The following RIPOR3 variants were observed in gnomAD, a reference collection of about 807,000 sequenced individuals.
The protein encoded by RIPOR3 is family with sequence similarity 65 member C.
RIPOR3 carries 95 observed loss-of-function variants against 114.3 expected under a neutral mutation model. The ratio of observed to expected loss-of-function variants is 0.83; its 90% CI spans 0.70 to 0.99. RIPOR3 has a LOEUF of 0.99. RIPOR3 is among the 50% of genes least tolerant of loss of function. RIPOR3 has a pLI of 0.00. For synonymous variants in RIPOR3, 575 were observed against 543.8 expected (o/e 1.06, Z -0.80); for missense variants, 1,252 against 1,266.9 (o/e 0.99, Z 0.18).
chr20:50,613,879 G>A (rs1481662414), intron 4 of RIPOR3, among the ~76,000 whole-genome samples: 1 of 152,112 alleles, frequency 6.6e-6, no homozygotes, highest in Non-Finnish European at 1.5e-5. Context: ...CTAAGGGTGA[G>A]GCATGCTGAG....
At chr20:50,600,532 G>A (rs959568604) in intron 13 of RIPOR3, among the ~76,000 whole-genome samples, 1 of 152,194 alleles carries the variant, frequency 6.6e-6, no homozygotes, top group Non-Finnish European at 1.5e-5. Context: ...GCTGAGGCAC[G>A]AGGATTGCAT....
At chr20:50,607,595 C>G (rs1024139932) in intron 11 of RIPOR3, among the ~76,000 whole-genome samples, 1 of 152,170 alleles carries the variant, frequency 6.6e-6, no homozygotes, top group African/African-American at 2.4e-5. Flanking sequence ...TGGCACTGAG[C>G]TGCCCGCCAC....
At chr20:50,647,194 C>T (rs931574830) in intron 1 of RIPOR3, among the ~76,000 whole-genome samples, 1 of 152,124 alleles carries the variant, frequency 6.6e-6, no homozygotes, top group African/African-American at 2.4e-5. Context: ...GTGGCGGACG[C>T]CTGTAATCCC....
In RIPOR3 at chr20:50,630,746, C is replaced by A. The variant is rs1482109087; in HGVS notation, c.114G>T (p.Arg38=). 1.2e-6 allele frequency: 2 copies of A among 1,609,364 alleles called. No homozygotes were observed. The highest frequency in any genetic ancestry group is 2.2e-5 in the South Asian group (2 of 90,306). Residue 38 remains arginine, a synonymous_variant, in exon 2 of 22, where the codon CGG becomes CGT. Coordinates refer to ENST00000327979, the MANE Select transcript of RIPOR3 (RefSeq NM_001290268.2). ...SFAGFSSAQS[R]RIAKSINRNS... is the part of the protein sequence containing the mutation. ...ACACGGGGGGAACTTACGCGATCCT[C>A]CGGCTCTGTGCACTGCTGAAGCCTG... is the stretch of plus-strand genomic sequence containing the variant.
intron 13 of RIPOR3, among the ~76,000 whole-genome samples, chr20:50,601,683 G>T (rs370814124): frequency 3.4e-4 from 52 of 152,254 alleles, no homozygotes; most frequent in Admixed American, 1.2e-3. Flanking sequence ...GGTTCAGTGC[G>T]GGGTGCGTGG....
At chr20:50,636,370 C>T (rs1438670419) in intron 1 of RIPOR3, among the ~76,000 whole-genome samples, 1 of 152,184 alleles carries the variant, frequency 6.6e-6, no homozygotes, top group Non-Finnish European at 1.5e-5. Context: ...TGTGTCACCA[C>T]CCCTGCTGGG....
intron 1 of RIPOR3, among the ~76,000 whole-genome samples, chr20:50,670,814 T>A (rs1433482890): frequency 6.6e-6 from 1 of 152,214 alleles, no homozygotes; most frequent in Non-Finnish European, 1.5e-5. Context: ...GGACAGGTTT[T>A]AAGTCAGATC....
intron 4 of RIPOR3, 22 bp from the exon 5 acceptor site, chr20:50,611,226 C>A: frequency 6.2e-7 from 1 of 1,614,046 alleles, no homozygotes; most frequent in Non-Finnish European, 8.5e-7. Flanking sequence ...GAAAGGAGGG[C>A]GGAAGAAGCT....
At chr20:50,599,211 G>A (rs1300732487) in intron 13 of RIPOR3, among the ~76,000 whole-genome samples, 3 of 152,082 alleles carry the variant, frequency 2.0e-5, no homozygotes, top group African/African-American at 4.8e-5. Flanking sequence ...AGCCAACATA[G>A]TGAAACCCTG....
Position 50,691,163 on chromosome 20 carries a change from G to A in RIPOR3, c.-35C>T. Reference sequence around the variant, plus strand: ...CTGGACACTCGAGTGCAGTCCCGCCGCCCTCCTTGCAGCTGCCTCACTTTC... The same window carrying A: ...CTGGACACTCGAGTGCAGTCCCGCCACCCTCCTTGCAGCTGCCTCACTTTC... On this transcript the variant is annotated 5_prime_UTR_variant, in exon 1 of 22. Transcript: ENST00000327979. 7.8e-7 allele frequency: 1 copy of A among 1,289,368 alleles called. No homozygotes were observed. The highest frequency in any genetic ancestry group is 1.0e-6 in the Non-Finnish European group (1 of 988,832). The allele number at this position is 1,289,368 out of a possible 1,614,324, so 79.9% of individuals were successfully genotyped here. A position where few individuals can be genotyped will look rare whatever the true frequency, so the allele number is the denominator to read the frequency against.
intron 1 of RIPOR3, among the ~76,000 whole-genome samples, chr20:50,689,955 T>C (rs2087153153): frequency 6.6e-6 from 1 of 152,196 alleles, no homozygotes; most frequent in Non-Finnish European, 1.5e-5. Flanking sequence ...ACCCCAGGGA[T>C]TCCCCACCTG....
chr20:50,622,500 G>A (rs144760992), intron 2 of RIPOR3, among the ~76,000 whole-genome samples: 56 of 152,116 alleles, frequency 3.7e-4, no homozygotes, highest in Admixed American at 7.9e-4. Flanking sequence ...GTTATTATAG[G>A]GGACTACTGG....
chr20:50,595,958 C>T (rs1342800963), intron 15 of RIPOR3, among the ~76,000 whole-genome samples, 182 bp downstream of exon 15: 2 of 152,200 alleles, frequency 1.3e-5, no homozygotes, highest in East Asian at 1.9e-4. Flanking sequence ...AAGAGCCACA[C>T]GAGTATTCAC....
chr20:50,634,333 A>G (rs1025273192), intron 1 of RIPOR3, among the ~76,000 whole-genome samples: 1 of 151,970 alleles, frequency 6.6e-6, no homozygotes, highest in East Asian at 1.9e-4. Context: ...TCCACGTGCC[A>G]TGGCCACATG....
At chr20:50,612,778 A>G (rs1450275807) in intron 4 of RIPOR3, among the ~76,000 whole-genome samples, 1 of 152,228 alleles carries the variant, frequency 6.6e-6, no homozygotes, top group Non-Finnish European at 1.5e-5. Context: ...GTGGAATTGT[A>G]CATATGCGAT....
chr20:50,629,798 G>A (rs928178702), intron 2 of RIPOR3, among the ~76,000 whole-genome samples: 12 of 152,182 alleles, frequency 7.9e-5, no homozygotes, highest in Non-Finnish European at 1.3e-4. Flanking sequence ...CTTGCCCCAG[G>A]TCACAGAGCC....
At chr20:50,599,924 A>G (rs182594898) in intron 13 of RIPOR3, among the ~76,000 whole-genome samples, 1 of 151,548 alleles carries the variant, frequency 6.6e-6, no homozygotes, top group Non-Finnish European at 1.5e-5. Flanking sequence ...TTTGAGAGAG[A>G]GAGTCTCGCT....
intron 2 of RIPOR3, among the ~76,000 whole-genome samples, chr20:50,630,211 G>T (rs895178549): frequency 6.6e-6 from 1 of 152,056 alleles, no homozygotes; most frequent in Non-Finnish European, 1.5e-5. Flanking sequence ...CAAGTGATCC[G>T]CCCGCCTTGG....
chr20:50,637,458 C>T (rs1011818279), intron 1 of RIPOR3, among the ~76,000 whole-genome samples: 1 of 152,138 alleles, frequency 6.6e-6, no homozygotes, highest in East Asian at 1.9e-4. Context: ...GCCCCTCACC[C>T]GTATCCTTCA....
Sources: gnomAD v4.1 joint callset for allele counts (sites outside exome capture counted in the v4.1 genomes callset) on GRCh38, gnomAD v4.1.1 for gene constraint, MANE v1.5 for transcripts, NCBI Gene and HGNC (gene_info 2026-07-23, HGNC 2026-07-21) for gene names.